STX8: variants seen among roughly 807,000 people sequenced by gnomAD.
STX8 encodes syntaxin 8.
A neutral mutation model predicts 37.5 loss-of-function variants in STX8; 23 were observed. That is an observed-to-expected ratio of 0.61 (90% confidence interval 0.44 to 0.87). The LOEUF (loss-of-function observed/expected upper bound fraction) is 0.87, where lower values mean the gene tolerates loss of function less well. Ranked by LOEUF, STX8 falls within the 40% of genes least tolerant of loss-of-function variation. The probability of loss-of-function intolerance (pLI) is 0.00; values close to 1 mark genes in which losing one functional copy is unlikely to be tolerated. For synonymous variants in STX8, 115 were observed against 99.1 expected (o/e 1.16, Z -0.95); for missense variants, 313 against 284.7 (o/e 1.10, Z -0.71).
chr17:9,477,369 C>G (rs1019331286), intron 6 of STX8, among the ~76,000 whole-genome samples: 13 of 152,118 alleles, frequency 8.5e-5, no homozygotes, highest in African/African-American at 3.1e-4. Context: ...GATGAATAAA[C>G]CAAAACTTAC....
intron 6 of STX8, among the ~76,000 whole-genome samples, chr17:9,487,227 T>A (rs1261287825): frequency 6.6e-6 from 1 of 152,200 alleles, no homozygotes; most frequent in Non-Finnish European, 1.5e-5. Flanking sequence ...CGTATTTTGT[T>A]AGTAAGATTT....
At chr17:9,503,920 AC>A (rs1309169259) in intron 5 of STX8, among the ~76,000 whole-genome samples, 1 of 151,936 alleles carries the variant, frequency 6.6e-6, no homozygotes, top group Non-Finnish European at 1.5e-5. Flanking sequence ...GCGTGCCACC[AC>A]ACCCAGCTAA....
At chr17:9,345,226 C>G (rs917981342) in intron 7 of STX8, among the ~76,000 whole-genome samples, 1 of 151,980 alleles carries the variant, frequency 6.6e-6, no homozygotes, top group Non-Finnish European at 1.5e-5. Context: ...TCTCAGCTCA[C>G]TGAAACCTCT....
chr17:9,390,143 G>A (rs796574774), intron 6 of STX8, among the ~76,000 whole-genome samples: 20 of 152,296 alleles, frequency 1.3e-4, no homozygotes, highest in African/African-American at 4.1e-4. Context: ...TACACAGCCA[G>A]ATGGGCCAGG....
intron 7 of STX8, among the ~76,000 whole-genome samples, chr17:9,304,181 A>G (rs1908877692): frequency 6.6e-6 from 1 of 152,168 alleles, no homozygotes; most frequent in African/African-American, 2.4e-5. Context: ...TCATTAAAAT[A>G]TATCCAAAGG....
Position 9,324,126 on chromosome 17 carries a change from T to TCACACACA in STX8, c.643+54418_643+54425dup, listed in dbSNP as rs35942102. 1.8e-4 allele frequency among the ~76,000 whole-genome samples: 24 copies of TCACACACA among 135,598 alleles called. 1 individual carries two copies. The highest frequency in any genetic ancestry group is 3.0e-4 in the Non-Finnish European group (20 of 66,406). The allele number at this position is 135,598 out of a possible 152,430, so 89.0% of individuals were successfully genotyped here. On this transcript the variant is annotated intron_variant, in intron 7 of 7. Coordinates refer to ENST00000306357, the MANE Select transcript of STX8 (RefSeq NM_004853.3). ...CTCTCTCTGTCTCTCTCTCTCTCTC[T>TCACACACA]CACACACACACACACACACACACAC...
intron 6 of STX8, among the ~76,000 whole-genome samples, chr17:9,450,202 A>G (rs1209529411): frequency 1.3e-5 from 2 of 151,612 alleles, no homozygotes; most frequent in Non-Finnish European, 2.9e-5. Flanking sequence ...CAGCCTCCCT[A>G]GTAGCTGGGA....
intron 3 of STX8, among the ~76,000 whole-genome samples, chr17:9,551,227 T>G (rs1377471839): frequency 6.6e-6 from 1 of 152,204 alleles, no homozygotes; most frequent in African/African-American, 2.4e-5. Context: ...TTTCTGGCTT[T>G]CTTTTTTTAA....
chr17:9,568,332 C>CA lies in STX8; in HGVS notation c.117+38dup, dbSNP rs775025430. The CA allele has an allele frequency of 1.9e-5, 30 of 1,545,328 alleles. No individual in the cohort carries two copies. In the African/African-American group the frequency reaches 3.8e-4, roughly 20 times the overall value. ...AGGAGGGTTTTCAGGCCTCAAAACTCAAACAAATCATTGGGTACTAATTCC... is the reference window on the plus strand; with the variant it reads ...AGGAGGGTTTTCAGGCCTCAAAACTCAAAACAAATCATTGGGTACTAATTCC... On this transcript the variant is annotated intron_variant, in intron 2 of 7. Transcript: ENST00000306357.
At chr17:9,470,749 CAG>C (rs1399246717) in intron 6 of STX8, among the ~76,000 whole-genome samples, 4 of 152,066 alleles carry the variant, frequency 2.6e-5, no homozygotes, top group South Asian at 2.1e-4. Flanking sequence ...TTTTTTGAGA[CAG>C]AGTCTCACTC....
At chr17:9,382,479 C>T (rs1361546783) in intron 6 of STX8, among the ~76,000 whole-genome samples, 12 of 152,226 alleles carry the variant, frequency 7.9e-5, no homozygotes, top group East Asian at 1.9e-4. Context: ...ATGTGCACAA[C>T]GTGCAGGTTT....
intron 2 of STX8, among the ~76,000 whole-genome samples, chr17:9,559,758 A>ATTTTTTTTTTTT (rs1159388418): frequency 1.4e-4 from 4 of 28,370 alleles, no homozygotes; most frequent in African/African-American, 5.4e-4. Context: ...ATATATATAT[A>ATTTTTTTTTTTT]TATTTTTTTT....
At chr17:9,327,643 T>C (rs918550074) in intron 7 of STX8, among the ~76,000 whole-genome samples, 2 of 152,160 alleles carry the variant, frequency 1.3e-5, no homozygotes, top group African/African-American at 4.8e-5. Context: ...AGGGGTCTTA[T>C]GTCCTACTTT....
chr17:9,499,724 G>T (rs1169364529), intron 5 of STX8, among the ~76,000 whole-genome samples: 3 of 152,084 alleles, frequency 2.0e-5, no homozygotes, highest in Non-Finnish European at 2.9e-5. Context: ...AAACACAAAG[G>T]TAAGAGCAGT....
chr17:9,549,308 C>T (rs1343883438), intron 3 of STX8, among the ~76,000 whole-genome samples: 3 of 152,186 alleles, frequency 2.0e-5, no homozygotes, highest in African/African-American at 7.2e-5. Context: ...CAAAGAACAT[C>T]AGTTTCAGAA....
intron 4 of STX8, among the ~76,000 whole-genome samples, chr17:9,523,509 A>G (rs1905446410): frequency 6.6e-6 from 1 of 152,142 alleles, no homozygotes; most frequent in Non-Finnish European, 1.5e-5. Flanking sequence ...ACCATCTGCA[A>G]TAACAACTCT....
intron 7 of STX8, among the ~76,000 whole-genome samples, chr17:9,326,698 C>T (rs73267976): frequency 6.6e-6 from 1 of 152,154 alleles, no homozygotes; most frequent in Non-Finnish European, 1.5e-5. Context: ...TTATGCATTC[C>T]AACACAGAAG....
intron 4 of STX8, among the ~76,000 whole-genome samples, chr17:9,536,289 G>A (rs753629868): frequency 4.6e-5 from 7 of 152,186 alleles, no homozygotes; most frequent in Admixed American, 2.0e-4. Context: ...GAGTCACTCG[G>A]AAGGGAAAGC....
At chr17:9,322,278 C>A (rs971252007) in intron 7 of STX8, among the ~76,000 whole-genome samples, 1 of 152,212 alleles carries the variant, frequency 6.6e-6, no homozygotes, top group African/African-American at 2.4e-5. Flanking sequence ...GGCTCACTGC[C>A]GGAATAACCC....
Sources: gnomAD v4.1 joint callset for allele counts (sites outside exome capture counted in the v4.1 genomes callset) on GRCh38, gnomAD v4.1.1 for gene constraint, MANE v1.5 for transcripts, NCBI Gene and HGNC (gene_info 2026-07-23, HGNC 2026-07-21) for gene names.